The following TRPV1 variants were observed in gnomAD, a reference collection of about 807,000 sequenced individuals.
TRPV1 encodes OTRPC1.
Under a neutral mutation model 82.3 loss-of-function variants are expected in TRPV1, and 82 were observed. The ratio of observed to expected loss-of-function variants is 1.00; its 90% CI spans 0.83 to 1.20. The LOEUF (loss-of-function observed/expected upper bound fraction) is 1.20. Ranked by LOEUF, TRPV1 falls within the 50% of genes most tolerant of loss-of-function variation. The probability of loss-of-function intolerance (pLI) is 0.00; values close to 1 mark genes in which losing one functional copy is unlikely to be tolerated. For missense variants in TRPV1, 1,067 were observed against 1,096.8 expected (o/e 0.97, Z 0.38); for synonymous variants, 515 against 467.7 (o/e 1.10, Z -1.30).
intron 2 of TRPV1, among the ~76,000 whole-genome samples, chr17:3,597,712 C>T (rs1449365027): frequency 2.9e-5 from 4 of 139,582 alleles, no homozygotes; most frequent in Admixed American, 1.4e-4. Flanking sequence ...CTTACTCTGT[C>T]GTCCAGGCTG....
chr17:3,596,605 TC>T (rs1255702940), intron 2 of TRPV1, among the ~76,000 whole-genome samples: 1 of 151,852 alleles, frequency 6.6e-6, no homozygotes, highest in Non-Finnish European at 1.5e-5. Context: ...TGCAGCCTCC[TC>T]CCCCGAGGAC....
intron 13 of TRPV1, among the ~76,000 whole-genome samples, chr17:3,576,668 A>AAAAAAAAAAATATATATATATAT: frequency 4.4e-4 from 17 of 38,414 alleles, no homozygotes; most frequent in Admixed American, 4.5e-4. Flanking sequence ...AAAAAAAAAA[A>AAAAAAAAAAATATATATATATAT]ATATATATAT....
rs376484469 is a variant in TRPV1, at chr17:3,580,460, A to C, written c.1544T>G (p.Leu515Arg). Reference protein sequence around the residue: ...TLFVDSYSEMLFFLQSLFMLA... With the variant: ...TLFVDSYSEMRFFLQSLFMLA... ...AATGAGTCAAAGTGTCACTTACAAA[A>C]GCATCTCACTGTAGCTGTCCACAAA... The change falls in exon 11 of 17, where the codon CTT (leucine) becomes CGT (arginine). Residue 515 changes from leucine (L) to arginine (R), a missense_variant. Coordinates refer to ENST00000572705, the MANE Select transcript of TRPV1 (RefSeq NM_080704.4). 136 of 1,613,956 alleles carry C rather than the reference A, an allele frequency of 8.4e-5. No homozygotes were observed. Among genetic ancestry groups the C allele is most frequent in the Non-Finnish European group, 1.1e-4 (128 of 1,179,918 alleles).
At chr17:3,591,392 T>C in intron 3 of TRPV1, 39 bp from the exon 4 acceptor site, 1 of 1,529,564 alleles carries the variant, frequency 6.5e-7, no homozygotes, top group Non-Finnish European at 8.8e-7. Flanking sequence ...TACCCTGGCC[T>C]CCCCTCGGCC....
chr17:3,593,923 G>A (rs951352688), intron 2 of TRPV1, among the ~76,000 whole-genome samples: 5 of 151,974 alleles, frequency 3.3e-5, no homozygotes, highest in African/African-American at 9.7e-5. Flanking sequence ...TCAGGAGTTC[G>A]AGACCAGCCT....
chr17:3,603,458 G>GCCGGCTGTATGGACT (rs1251816540), intron 2 of TRPV1, among the ~76,000 whole-genome samples: 2 of 152,212 alleles, frequency 1.3e-5, no homozygotes, highest in African/African-American at 2.4e-5. Flanking sequence ...TGTGCTAGAT[G>GCCGGCTGTATGGACT]CCGGCTGTAT....
In TRPV1 at chr17:3,572,267, G is replaced by A. The variant is rs1336690429; in HGVS notation, c.2104-18C>T. On this transcript the variant is annotated intron_variant, in intron 14 of 16. Transcript: ENST00000572705. ...ATGGCTCTCTGCAGGAAGACACCAA[G>A]GGCAGAGGAGCTGAGGGGCAGAGGG... 3.1e-6 allele frequency: 5 copies of A among 1,598,836 alleles called. No homozygotes were observed. Among genetic ancestry groups the A allele is most frequent in the Non-Finnish European group, 4.3e-6 (5 of 1,172,068 alleles).
Position 3,588,320 on chromosome 17 carries a change from C to A in TRPV1, c.1092G>T (p.Arg364Ser). The change falls in exon 8 of 17, where the codon AGG becomes AGT. Residue 364 changes from arginine to serine, a missense_variant. Physicochemically the swap from Arg to Ser is moderately radical, Grantham distance 110 (BLOSUM62 -1). Transcript: ENST00000572705. ...ACTCGGTGAACTTCCTGGACAGGTG[C>A]CTGCACTCGGGCTCCTGGATCTCCC... ...LQREIQEPEC[R>S]HLSRKFTEWA... 6.4e-7 allele frequency: 1 copy of A among 1,568,114 alleles called. No homozygotes were observed. Among genetic ancestry groups the A allele is most frequent in the East Asian group, 2.4e-5 (1 of 41,896 alleles).
In TRPV1 at chr17:3,580,508, C is replaced by T; in HGVS notation, c.1496G>A (p.Arg499Lys). Residue 499 changes from arginine to lysine, a missense_variant, in exon 11 of 17, where the codon AGG (arginine) becomes AAG (lysine). Coordinates refer to ENST00000572705, the MANE Select transcript of TRPV1 (RefSeq NM_080704.4). ...FFRGIQYFLQRRPSMKTLFVD... is the reference protein window; with the variant it reads ...FFRGIQYFLQKRPSMKTLFVD... ...AAACAGGGTCTTCATCGACGGCCGC[C>T]TCTGCAGGAAATACTGAATCTGCAG... 2 of 1,614,032 alleles carry T rather than the reference C, an allele frequency of 1.2e-6. No individual in the cohort carries two copies. Among genetic ancestry groups the T allele is most frequent in the African/African-American group, 1.3e-5 (1 of 75,032 alleles).
chr17:3,596,742 G>C (rs537701095), intron 2 of TRPV1, among the ~76,000 whole-genome samples: 4 of 152,330 alleles, frequency 2.6e-5, no homozygotes, highest in African/African-American at 9.6e-5. Context: ...CCACCTTTGA[G>C]GCAGCCACTC....
intron 12 of TRPV1, 83 bp downstream of exon 12, chr17:3,577,515 A>G: frequency 6.8e-7 from 1 of 1,464,544 alleles, no homozygotes; most frequent in Non-Finnish European, 9.3e-7. Context: ...GACAGAGAGG[A>G]TGGGCGGAGT....
At chr17:3,584,061 G>A (rs534035825) in intron 9 of TRPV1, among the ~76,000 whole-genome samples, 59 of 151,728 alleles carry the variant, frequency 3.9e-4, no homozygotes, top group African/African-American at 1.2e-3. Context: ...ACCTGAGGTC[G>A]AGAGTTCGAG....
At chr17:3,592,044 G>T in intron 3 of TRPV1, 23 bp downstream of exon 3, 3 of 1,602,624 alleles carry the variant, frequency 1.9e-6, no homozygotes, top group Non-Finnish European at 1.7e-6. Flanking sequence ...CAGCAGGGAG[G>T]GGGGCTCCAG....
chr17:3,576,607 G>A (rs1468065582), intron 13 of TRPV1, among the ~76,000 whole-genome samples: 11 of 145,548 alleles, frequency 7.6e-5, no homozygotes, highest in Admixed American at 3.5e-4. Flanking sequence ...AGCCGAGATC[G>A]CGCCACTGCA....
At chr17:3,567,554 C>T (rs987416905) in intron 16 of TRPV1, among the ~76,000 whole-genome samples, 4 of 152,004 alleles carry the variant, frequency 2.6e-5, no homozygotes, top group African/African-American at 9.7e-5. Flanking sequence ...CCCCGACTTG[C>T]TTGCAGCCTC....
chr17:3,598,218 T>C (rs161382), intron 2 of TRPV1, among the ~76,000 whole-genome samples: 129,876 of 152,288 alleles, frequency 0.85, 55,621 homozygotes, highest in East Asian at 1. Flanking sequence ...GTAGGGCAGG[T>C]CCAGCCTGGA....
chr17:3,598,038 G>C (rs1484612628), intron 2 of TRPV1, among the ~76,000 whole-genome samples: 3 of 152,230 alleles, frequency 2.0e-5, no homozygotes, highest in African/African-American at 4.8e-5. Context: ...ACCCACAAGA[G>C]AGAAACGCAC....
At chr17:3,569,868 T>A (rs992249651) in intron 16 of TRPV1, among the ~76,000 whole-genome samples, 2 of 148,646 alleles carry the variant, frequency 1.3e-5, no homozygotes, top group Non-Finnish European at 3.0e-5. Flanking sequence ...CCCACTTTCA[T>A]AAAGATAGAA....
rs374024905 is a variant in TRPV1 at position 3,573,749 on chromosome 17, G to T, written c.1987C>A (p.Leu663Met). 5 of 1,614,094 alleles carry T rather than the reference G, an allele frequency of 3.1e-6. No homozygotes were observed. Among genetic ancestry groups the T allele is most frequent in the Non-Finnish European group, 3.4e-6 (4 of 1,180,012 alleles). The change falls in exon 14 of 17, where the codon CTG becomes ATG. Residue 663 changes from leucine (L) to methionine (M), a missense_variant. Leu to Met is a conservative substitution (Grantham distance 15). Transcript: ENST00000572705. ...NYDFKAVFII[L>M]LLAYVILTYI... is the part of the protein sequence containing the mutation. ...GTGAGAATTACATAGGCCAGCAGCAGGATGATGAAGACAGCCTTGAAGTCA... is the reference window on the plus strand; with the variant it reads ...GTGAGAATTACATAGGCCAGCAGCATGATGATGAAGACAGCCTTGAAGTCA...
Sources: allele counts gnomAD v4.1 joint callset (sites outside exome capture counted in the v4.1 genomes callset), GRCh38; gene constraint gnomAD v4.1.1; transcripts MANE v1.5; gene names NCBI Gene and HGNC (gene_info 2026-07-23, HGNC 2026-07-21).